The following DCC variants were observed in gnomAD, a reference collection of about 807,000 sequenced individuals.
The protein encoded by DCC is netrin receptor DCC.
A neutral mutation model predicts 172.5 loss-of-function variants in DCC; 58 were observed. The observed-to-expected ratio is 0.34, with a 90% CI of 0.27 to 0.42. The LOEUF (loss-of-function observed/expected upper bound fraction) is 0.42, where lower values mean the gene tolerates loss of function less well. DCC is among the 10% of genes least tolerant of loss of function. The probability of loss-of-function intolerance (pLI) is 1.00; values close to 1 mark genes in which losing one functional copy is unlikely to be tolerated. For missense variants in DCC, 1,740 were observed against 1,791.0 expected (o/e 0.97, Z 0.51); for synonymous variants, 709 against 644.5 (o/e 1.10, Z -1.52).
intron 28 of DCC, among the ~76,000 whole-genome samples, chr18:53,529,267 T>A (rs924063635): frequency 6.6e-6 from 1 of 152,162 alleles, no homozygotes; most frequent in Non-Finnish European, 1.5e-5. Flanking sequence ...GCTTTGTGCC[T>A]ACCTCCCACC....
intron 1 of DCC, among the ~76,000 whole-genome samples, chr18:52,353,495 C>T (rs745533940): frequency 9.9e-5 from 15 of 152,136 alleles, no homozygotes; most frequent in Non-Finnish European, 1.0e-4. Context: ...GAGACCCTGA[C>T]GGGGGCTACC....
At chr18:53,151,652 T>A (rs975522483) in intron 7 of DCC, among the ~76,000 whole-genome samples, 1 of 149,206 alleles carries the variant, frequency 6.7e-6, no homozygotes, top group Non-Finnish European at 1.5e-5. Context: ...AACAAATAAA[T>A]AAATGATTAT....
At chr18:52,416,295 A>G (rs571597923) in intron 1 of DCC, among the ~76,000 whole-genome samples, 163 of 152,022 alleles carry the variant, frequency 1.1e-3, no homozygotes, top group African/African-American at 3.7e-3. Context: ...ACTTCCAAGT[A>G]TGTGGTCAAT....
chr18:52,745,283 T>C (rs901701062), intron 1 of DCC, among the ~76,000 whole-genome samples: 4 of 152,202 alleles, frequency 2.6e-5, no homozygotes, highest in Non-Finnish European at 5.9e-5. Flanking sequence ...ATTCCTCAAA[T>C]ATGAAAAGTC....
At chr18:53,172,429 C>T (rs763645704) in intron 8 of DCC, among the ~76,000 whole-genome samples, 1 of 151,920 alleles carries the variant, frequency 6.6e-6, no homozygotes, top group African/African-American at 2.4e-5. Context: ...ACAATATACC[C>T]GTGTAACACA....
intron 5 of DCC, among the ~76,000 whole-genome samples, chr18:53,018,185 C>A (rs2041834389): frequency 6.6e-6 from 1 of 152,080 alleles, no homozygotes; most frequent in African/African-American, 2.4e-5. Flanking sequence ...TAAGAAGTTA[C>A]AAAAGATTGG....
chr18:53,349,492 T>C (rs915333028), intron 15 of DCC, among the ~76,000 whole-genome samples: 1 of 152,184 alleles, frequency 6.6e-6, no homozygotes, highest in East Asian at 1.9e-4. Flanking sequence ...CAGGTATCTT[T>C]TCAGCAACCT....
chr18:52,810,750 T>G (rs2038180744), intron 2 of DCC, among the ~76,000 whole-genome samples: 1 of 151,944 alleles, frequency 6.6e-6, no homozygotes. Context: ...AGGTGAAGGG[T>G]AGGGATCAAT....
intron 2 of DCC, among the ~76,000 whole-genome samples, chr18:52,846,899 G>A (rs749386662): frequency 2.0e-5 from 3 of 152,122 alleles, no homozygotes; most frequent in Non-Finnish European, 4.4e-5. Context: ...AGCACATGGA[G>A]CTGGGGCTGT....
intron 7 of DCC, among the ~76,000 whole-genome samples, chr18:53,130,645 G>T (rs1258390209): frequency 2.0e-5 from 3 of 151,978 alleles, no homozygotes; most frequent in African/African-American, 7.2e-5. Context: ...CAATTGTCTT[G>T]TTTTCAACCC....
intron 1 of DCC, among the ~76,000 whole-genome samples, chr18:52,573,639 C>A (rs1381326196): frequency 6.6e-6 from 1 of 152,170 alleles, no homozygotes; most frequent in Non-Finnish European, 1.5e-5. Flanking sequence ...GTGAGATCAT[C>A]TGCTGTCTCT....
At chr18:52,739,739 C>T (rs952805564) in intron 1 of DCC, among the ~76,000 whole-genome samples, 3 of 152,212 alleles carry the variant, frequency 2.0e-5, no homozygotes, top group Non-Finnish European at 4.4e-5. Context: ...TGAATGCCGT[C>T]GGCACTGGCC....
intron 1 of DCC, among the ~76,000 whole-genome samples, chr18:52,680,881 A>G (rs2144990211): frequency 6.6e-6 from 1 of 152,226 alleles, no homozygotes; most frequent in South Asian, 2.1e-4. Context: ...AGATAACATG[A>G]TACAGAACAC....
chr18:53,199,270 T>G (rs2055498238), intron 9 of DCC, among the ~76,000 whole-genome samples: 1 of 151,966 alleles, frequency 6.6e-6, no homozygotes, highest in Non-Finnish European at 1.5e-5. Context: ...TTTGTATTCT[T>G]AGTAGAGATG....
chr18:53,427,842 TA>T (rs1216923350), intron 21 of DCC, among the ~76,000 whole-genome samples: 21 of 92,198 alleles, frequency 2.3e-4, no homozygotes, highest in Non-Finnish European at 5.0e-4. Flanking sequence ...ATATATAATA[TA>T]TATATTTCTT....
chr18:52,491,837 T>C (rs1478700403), intron 1 of DCC, among the ~76,000 whole-genome samples: 1 of 151,948 alleles, frequency 6.6e-6, no homozygotes, highest in African/African-American at 2.4e-5. Flanking sequence ...CCAGGGAAGA[T>C]TGGGTTAGTG....
chr18:52,351,165 T>TA (rs34405865), intron 1 of DCC, among the ~76,000 whole-genome samples: 39,838 of 151,558 alleles, frequency 0.26, 5,475 homozygotes, highest in Non-Finnish European at 0.31. Flanking sequence ...GAATATCAGG[T>TA]AAAAAAAAGT....
intron 2 of DCC, among the ~76,000 whole-genome samples, chr18:52,870,768 C>T (rs1010717365): frequency 2.1e-4 from 31 of 146,840 alleles, no homozygotes; most frequent in African/African-American, 7.8e-4. Context: ...CCAATCATCA[C>T]GCTCCCTACC....
chr18:53,476,273 T>C (rs1038108199), intron 25 of DCC, among the ~76,000 whole-genome samples: 3 of 152,096 alleles, frequency 2.0e-5, no homozygotes, highest in African/African-American at 7.2e-5. Context: ...TGGAAAGGCA[T>C]GATTAGTTTT....
Sources: allele counts gnomAD v4.1 joint callset (sites outside exome capture counted in the v4.1 genomes callset), GRCh38; gene constraint gnomAD v4.1.1; transcripts MANE v1.5; gene names NCBI Gene and HGNC (gene_info 2026-07-23, HGNC 2026-07-21).